MCM10: variants seen among roughly 807,000 people sequenced by gnomAD.
The protein encoded by MCM10 is protein MCM10 homolog.
Under a neutral mutation model 109.9 loss-of-function variants are expected in MCM10, and 91 were observed. The ratio of observed to expected loss-of-function variants is 0.83; its 90% CI spans 0.70 to 0.99. The LOEUF (loss-of-function observed/expected upper bound fraction) is 0.99. MCM10 is among the 50% of genes least tolerant of loss of function. MCM10 has a pLI of 0.00. For missense variants in MCM10, 1,077 were observed against 1,061.2 expected (o/e 1.01, Z -0.21); for synonymous variants, 380 against 387.2 (o/e 0.98, Z 0.22).
chr10:13,169,646 A>G (rs1834044363), intron 2 of MCM10, among the ~76,000 whole-genome samples: 1 of 152,218 alleles, frequency 6.6e-6, no homozygotes, highest in Non-Finnish European at 1.5e-5. Flanking sequence ...ATGAGGTGTG[A>G]TACAGTCTTA....
At chr10:13,188,533 C>T (rs1834303723) in intron 9 of MCM10, among the ~76,000 whole-genome samples, 1 of 151,910 alleles carries the variant, frequency 6.6e-6, no homozygotes, top group Non-Finnish European at 1.5e-5. Flanking sequence ...ATAAAAACTT[C>T]CTTTTATATT....
intron 8 of MCM10, among the ~76,000 whole-genome samples, chr10:13,185,220 A>G (rs1191922964): frequency 6.6e-6 from 1 of 152,138 alleles, no homozygotes; most frequent in East Asian, 1.9e-4. Flanking sequence ...GGATTATGAA[A>G]GCACCCTGAT....
At chr10:13,166,761 C>A (rs896644864) in intron 2 of MCM10, among the ~76,000 whole-genome samples, 1 of 148,942 alleles carries the variant, frequency 6.7e-6, no homozygotes, top group Non-Finnish European at 1.5e-5. Context: ...GTGGTCAGAG[C>A]CTGGGAAAGC....
At chr10:13,183,232 G>A (rs1333927137) in intron 8 of MCM10, 132 bp downstream of exon 8, 1 of 978,776 alleles carries the variant, frequency 1.0e-6, no homozygotes, top group Non-Finnish European at 1.5e-6. Context: ...CAAAGCGGGA[G>A]GATCACTTGA....
chr10:13,193,513 C>T (rs1834376215), intron 13 of MCM10, among the ~76,000 whole-genome samples: 3 of 151,980 alleles, frequency 2.0e-5, no homozygotes, highest in South Asian at 2.1e-4. Flanking sequence ...ATGGTGGGGC[C>T]GAGTTTTGGG....
chr10:13,170,264 G>C (rs918865038), intron 2 of MCM10, among the ~76,000 whole-genome samples: 3 of 152,168 alleles, frequency 2.0e-5, no homozygotes, highest in Non-Finnish European at 4.4e-5. Flanking sequence ...ACTTCATCTG[G>C]AAGGTGTTAT....
At position 13,182,432 on chromosome 10, in the gene MCM10, C is replaced by T. The variant is rs1007683643; in HGVS notation, c.931-501C>T. Among the ~76,000 whole-genome samples the T allele has an allele frequency of 5.9e-5, 9 of 152,090 alleles. No homozygotes were observed. Among genetic ancestry groups the T allele is most frequent in the African/African-American group, 1.9e-4 (8 of 41,424 alleles). On this transcript the variant is annotated intron_variant, in intron 7 of 19. Transcript: ENST00000378714. This position sits in a 1 kb window ranked among gnomAD's most constrained non-coding sequence, Gnocchi z 4.2. ...TGGAGTGAGCAACGGGACATGATTG[C>T]ACCACTGCACTCCAACCTGGATGAC...
intron 14 of MCM10, chr10:13,195,570 T>C (rs1475490867): frequency 5.9e-6 from 1 of 170,430 alleles, no homozygotes; most frequent in Non-Finnish European, 1.2e-5. Context: ...GTTTAAGGAA[T>C]CCTTTTTTTA....
chr10:13,172,846 CTGTG>C lies in MCM10; in HGVS notation c.592+83_592+86del. On this transcript the variant is annotated intron_variant, in intron 5 of 19. Coordinates refer to ENST00000378714, the MANE Select transcript of MCM10 (RefSeq NM_018518.5). The surrounding 1 kb of genome is among the most constrained non-coding windows in gnomAD (Gnocchi z 5.2). Reference sequence around the variant, plus strand: ...GGGGTGTTCATGTGTGTGTGGGTGTCTGTGTCTTTTGGTCTGTCTTATGTCCCCA... The same window carrying C: ...GGGGTGTTCATGTGTGTGTGGGTGTCTCTTTTGGTCTGTCTTATGTCCCCA... 7 of 1,412,870 alleles carry C rather than the reference CTGTG, an allele frequency of 5.0e-6. No individual in the cohort carries two copies. The highest frequency in any genetic ancestry group is 6.8e-6 in the Non-Finnish European group (7 of 1,023,484). 87.5% of individuals were successfully genotyped at this position (1,412,870 alleles called of 1,614,324 possible).
chr10:13,162,812 G>A (rs112809715), intron 1 of MCM10, among the ~76,000 whole-genome samples: 6 of 152,338 alleles, frequency 3.9e-5, no homozygotes, highest in African/African-American at 1.4e-4. Flanking sequence ...AGGCGCGGTG[G>A]CTCACGCCTG....
intron 15 of MCM10, 122 bp from the exon 16 acceptor site, chr10:13,198,567 T>C: frequency 3.0e-6 from 2 of 674,512 alleles, no homozygotes; most frequent in Non-Finnish European, 5.3e-6. Context: ...CCAGCGGGGG[T>C]AGGTCAAGTT....
intron 11 of MCM10, among the ~76,000 whole-genome samples, chr10:13,191,611 G>T (rs1588474667): frequency 6.6e-6 from 1 of 152,156 alleles, no homozygotes; most frequent in Non-Finnish European, 1.5e-5. Context: ...GGTTGAAAAT[G>T]GATACAGCTC....
rs200026137 is a variant in MCM10 at position 13,198,711 on chromosome 10, C to T, written c.2142C>T (p.Ala714=). ...TAGCTGAGGATGAATTGGAGCCTGC[C>T]AGGAAAAAAAGGAGAGAACAACTTG... ...SSQAEDELEP[A]RKKRREQLAY... The change falls in exon 16 of 20, where the codon GCC becomes GCT. Residue 714 remains alanine, a synonymous_variant. Coordinates refer to ENST00000378714, the MANE Select transcript of MCM10 (RefSeq NM_018518.5). The T allele has an allele frequency of 1.9e-6, 3 of 1,612,762 alleles. No individual in the cohort carries two copies. The highest frequency in any genetic ancestry group is 2.5e-6 in the Non-Finnish European group (3 of 1,179,408).
chr10:13,185,105 C>T (rs1423592083), intron 8 of MCM10, among the ~76,000 whole-genome samples: 1 of 152,196 alleles, frequency 6.6e-6, no homozygotes, highest in African/African-American at 2.4e-5. Flanking sequence ...CGAGACTCCA[C>T]AGAAGCCTAG....
chr10:13,181,012 G>C (rs1834202948), intron 7 of MCM10, among the ~76,000 whole-genome samples: 1 of 152,168 alleles, frequency 6.6e-6, no homozygotes, highest in Non-Finnish European at 1.5e-5. Context: ...GAAATTGCTG[G>C]CCTGTGTCAG....
At position 13,170,682 on chromosome 10, in the gene MCM10, G is replaced by T. The variant is rs372407644; in HGVS notation, c.8-240G>T. 9.2e-3 allele frequency among the ~76,000 whole-genome samples: 1,376 copies of T among 149,580 alleles called. 11 individuals are homozygous for T. Among genetic ancestry groups the T allele is most frequent in the East Asian group, 0.032 (163 of 5,148 alleles). On this transcript the variant is annotated intron_variant, in intron 2 of 19. Transcript: ENST00000378714. Reference sequence around the variant, plus strand: ...GCATCTGTAGGTTTTTGTTTTTTTTGTTTGTTTGTTTGTTTGTTTTTTTAG... The same window carrying T: ...GCATCTGTAGGTTTTTGTTTTTTTTTTTTGTTTGTTTGTTTGTTTTTTTAG...
chr10:13,187,970 C>A (rs888927939), intron 9 of MCM10, among the ~76,000 whole-genome samples: 1 of 152,090 alleles, frequency 6.6e-6, no homozygotes, highest in Non-Finnish European at 1.5e-5. Flanking sequence ...CATGGTAAAA[C>A]CCCGTCTCCA....
In MCM10 at chr10:13,209,365, G is replaced by A. The variant is rs930295954; in HGVS notation, c.*55G>A. The A allele has an allele frequency of 7.4e-7, 1 of 1,354,342 alleles. No individual in the cohort carries two copies. The highest frequency in any genetic ancestry group is 1.1e-6 in the Non-Finnish European group (1 of 947,814). The allele number at this position is 1,354,342 out of a possible 1,614,324, so 83.9% of individuals were successfully genotyped here. A position where few individuals can be genotyped will look rare whatever the true frequency, so the allele number is the denominator to read the frequency against. ...TCCTGGCCTCCTGTGACTCTGGAAAGCAAAGGATTGGCTGTGTATTGTCCA... is the reference window on the plus strand; with the variant it reads ...TCCTGGCCTCCTGTGACTCTGGAAAACAAAGGATTGGCTGTGTATTGTCCA... On this transcript the variant is annotated 3_prime_UTR_variant, in exon 20 of 20. Transcript: ENST00000378714.
intron 2 of MCM10, among the ~76,000 whole-genome samples, chr10:13,166,038 G>A (rs567033621): frequency 6.6e-6 from 1 of 152,190 alleles, no homozygotes; most frequent in South Asian, 2.1e-4. Context: ...TTTAGTGGAG[G>A]GAGAAAGATA....
Sources: gnomAD v4.1 joint callset for allele counts (sites outside exome capture counted in the v4.1 genomes callset) on GRCh38, gnomAD v4.1.1 for gene constraint, Gnocchi (gnomAD v3.1) non-coding constraint, MANE v1.5 for transcripts, NCBI Gene and HGNC (gene_info 2026-07-23, HGNC 2026-07-21) for gene names.